The following WBP4 variants were observed in gnomAD, a reference collection of about 807,000 sequenced individuals.
WBP4 encodes WW domain-binding protein 4.
In WBP4, 37 loss-of-function variants were observed where a neutral mutation model predicts 55.4. That is an observed-to-expected ratio of 0.67 (90% confidence interval 0.51 to 0.88). The LOEUF (loss-of-function observed/expected upper bound fraction) is 0.88, where lower values mean the gene tolerates loss of function less well. Ranked by LOEUF, WBP4 falls within the 40% of genes least tolerant of loss-of-function variation. The probability of loss-of-function intolerance (pLI) is 0.00; values close to 1 mark genes in which losing one functional copy is unlikely to be tolerated. For missense variants in WBP4, 398 were observed against 420.8 expected, an observed-to-expected ratio of 0.95 and a Z score of 0.47; for synonymous variants, 142 against 140.2, an observed-to-expected ratio of 1.01 and a Z score of -0.09.
intron 8 of WBP4, among the ~76,000 whole-genome samples, chr13:41,078,017 C>T (rs1319487577): frequency 6.6e-6 from 1 of 151,982 alleles, no homozygotes; most frequent in Admixed American, 6.5e-5. Flanking sequence ...GAAAAAACAT[C>T]TCATGCTTCT....
chr13:41,068,434 A>G (rs1878074420), intron 4 of WBP4, 127 bp from the exon 5 acceptor site: 2 of 841,856 alleles, frequency 2.4e-6, no homozygotes, highest in South Asian at 7.8e-5. Context: ...TGAACTTTAT[A>G]ATAATGTGTT....
Position 41,076,142 on chromosome 13 carries a change from A to G in WBP4, c.661A>G (p.Lys221Glu). Residue 221 changes from lysine (K) to glutamate (E), a missense_variant, in exon 8 of 10, where the codon AAA becomes GAA. By Grantham distance (56) the Lys-to-Glu change is moderately conservative. Transcript: ENST00000379487. The stretch of plus-strand genomic sequence containing the variant: ...TTCACTTGGCACCCTAGATGAATCC[A>G]AATCATCAGATTCGCATAGTGATTC... ...ENSLGTLDES[K>E]SSDSHSDSDG... 1 of 1,613,824 alleles carries G rather than the reference A, an allele frequency of 6.2e-7. No homozygotes were observed. The highest frequency in any genetic ancestry group is 8.5e-7 in the Non-Finnish European group (1 of 1,179,984).
intron 4 of WBP4, among the ~76,000 whole-genome samples, chr13:41,067,597 G>C (rs1042021227): frequency 2.0e-5 from 3 of 152,170 alleles, no homozygotes; most frequent in Non-Finnish European, 4.4e-5. Flanking sequence ...AAAGTGGGAG[G>C]ATTGCTTGAG....
chr13:41,069,705 CAAAA>C (rs35819905), intron 5 of WBP4, among the ~76,000 whole-genome samples: 2 of 75,882 alleles, frequency 2.6e-5, no homozygotes, highest in Non-Finnish European at 5.4e-5. Context: ...GACTCTGCCT[CAAAA>C]AAAAAAAAAA....
At chr13:41,067,936 TAAA>T (rs768471618) in intron 4 of WBP4, among the ~76,000 whole-genome samples, 8 of 152,162 alleles carry the variant, frequency 5.3e-5, no homozygotes, top group Non-Finnish European at 1.2e-4. Flanking sequence ...TAGTATTTAA[TAAA>T]AAGGGGGGAA....
At chr13:41,077,747 C>T (rs888424065) in intron 8 of WBP4, among the ~76,000 whole-genome samples, 2 of 152,096 alleles carry the variant, frequency 1.3e-5, no homozygotes, top group Admixed American at 1.3e-4. Context: ...CTAAAGACCC[C>T]TCCAAAACAC....
intron 9 of WBP4, among the ~76,000 whole-genome samples, chr13:41,082,240 G>C (rs1364478171): frequency 6.6e-6 from 1 of 152,110 alleles, no homozygotes; most frequent in East Asian, 1.9e-4. Flanking sequence ...AGCCTCTCGA[G>C]TAGCTGGGAC....
intron 1 of WBP4, 149 bp downstream of exon 1, chr13:41,061,824 C>T: frequency 1.5e-6 from 2 of 1,338,942 alleles, no homozygotes; most frequent in Non-Finnish European, 2.1e-6. Context: ...CCCAGACCTG[C>T]AGGGCCGGTT....
chr13:41,076,438 C>T (rs1878498653), intron 8 of WBP4, among the ~76,000 whole-genome samples: 1 of 151,716 alleles, frequency 6.6e-6, no homozygotes, highest in South Asian at 2.1e-4. Flanking sequence ...GCCACCAAAC[C>T]CGGCTAATTT....
intron 1 of WBP4, 85 bp from the exon 2 acceptor site, chr13:41,062,559 T>A: frequency 7.8e-7 from 1 of 1,280,524 alleles, no homozygotes; most frequent in Non-Finnish European, 1.1e-6. Flanking sequence ...GGCATATATT[T>A]CAAACTTTAA....
chr13:41,072,718 TGA>T, intron 6 of WBP4, 62 bp from the exon 7 acceptor site: 1 of 1,474,336 alleles, frequency 6.8e-7, no homozygotes, highest in South Asian at 1.2e-5. Flanking sequence ...GCTGACTGTC[TGA>T]GTTATTCAAT....
chr13:41,069,176 T>C (rs1395391547), intron 5 of WBP4, among the ~76,000 whole-genome samples: 1 of 152,194 alleles, frequency 6.6e-6, no homozygotes, highest in Non-Finnish European at 1.5e-5. Flanking sequence ...GATTTGATAT[T>C]GTTACTGAAA....
chr13:41,066,392 A>AT (rs1393405018), intron 4 of WBP4, among the ~76,000 whole-genome samples: 1 of 152,142 alleles, frequency 6.6e-6, no homozygotes, highest in Non-Finnish European at 1.5e-5. Flanking sequence ...AACTGTTAAG[A>AT]TTTTTTGCAG....
At chr13:41,073,813 A>G (rs1484844578) in intron 7 of WBP4, among the ~76,000 whole-genome samples, 2 of 152,232 alleles carry the variant, frequency 1.3e-5, no homozygotes, top group Non-Finnish European at 1.5e-5. Flanking sequence ...TCAAAATAAA[A>G]TAAAAAATAA....
At chr13:41,071,175 A>T (rs574598501) in intron 5 of WBP4, among the ~76,000 whole-genome samples, 2 of 152,064 alleles carry the variant, frequency 1.3e-5, no homozygotes, top group Admixed American at 6.5e-5. Context: ...CTGAGTTCTT[A>T]TTCAGTTTAT....
rs1593436799 is a variant in WBP4, at chr13:41,083,013, T to G, written c.*99T>G. The G allele has an allele frequency of 9.4e-7, 1 of 1,059,558 alleles. No homozygotes were observed. Among genetic ancestry groups the G allele is most frequent in the East Asian group, 2.6e-5 (1 of 38,468 alleles). 65.6% of individuals were successfully genotyped at this position (1,059,558 alleles called of 1,614,324 possible). A position where few individuals can be genotyped will look rare whatever the true frequency, so the allele number is the denominator to read the frequency against. On this transcript the variant is annotated 3_prime_UTR_variant, in exon 10 of 10. Transcript: ENST00000379487. ...TTTGTAAGTATTATGATGCTAAAAA[T>G]TTAGATTTATTCTAAATGTATTTGA...
At chr13:41,082,538 G>A (rs1878828328) in intron 9 of WBP4, among the ~76,000 whole-genome samples, 166 bp from the exon 10 acceptor site, 2 of 152,254 alleles carry the variant, frequency 1.3e-5, no homozygotes, top group South Asian at 4.1e-4. Context: ...ACCTGAATAA[G>A]TGTTCAGTAT....
Position 41,080,735 on chromosome 13 carries a change from A to T in WBP4, c.846A>T (p.Glu282Asp), listed in dbSNP as rs770198303. The T allele has an allele frequency of 6.2e-7, 1 of 1,607,910 alleles. No individual in the cohort carries two copies. The highest frequency in any genetic ancestry group is 8.5e-7 in the Non-Finnish European group (1 of 1,178,660). The part of the protein sequence containing the change: ...IQKQNSLGSN[E>D]EKSKTLKKSN... Reference sequence around the variant, plus strand: ...AACAGAATTCATTAGGTTCAAATGAAGAAAAATCGAAAACTCTTAAGAAAT... The same window carrying T: ...AACAGAATTCATTAGGTTCAAATGATGAAAAATCGAAAACTCTTAAGAAAT... The change falls in exon 9 of 10, where the codon GAA becomes GAT. Residue 282 changes from glutamate (E) to aspartate (D), a missense_variant. Physicochemically the swap from Glu to Asp is conservative, Grantham distance 45. Coordinates refer to ENST00000379487, the MANE Select transcript of WBP4 (RefSeq NM_007187.5).
At chr13:41,061,816 C>T in intron 1 of WBP4, 141 bp downstream of exon 1, 3 of 1,384,382 alleles carry the variant, frequency 2.2e-6, no homozygotes, top group Admixed American at 2.0e-5. Context: ...GGACCGGCCC[C>T]AGACCTGCAG....
Sources: allele counts gnomAD v4.1 joint callset (sites outside exome capture counted in the v4.1 genomes callset), GRCh38; gene constraint gnomAD v4.1.1; transcripts MANE v1.5; gene names NCBI Gene and HGNC (gene_info 2026-07-23, HGNC 2026-07-21).